The following PTPRD variants were observed in gnomAD, a reference collection of about 807,000 sequenced individuals.
The protein encoded by PTPRD is protein tyrosine phosphatase receptor type D, also known as receptor-type tyrosine-protein phosphatase delta.
A neutral mutation model predicts 214.5 loss-of-function variants in PTPRD; 34 were observed. The ratio of observed to expected loss-of-function variants is 0.16; its 90% CI spans 0.12 to 0.21. The LOEUF is 0.21. Among genes scored for constraint, PTPRD ranks in the 10% least tolerant of loss-of-function variants. The probability of loss-of-function intolerance (pLI) is 1.00; values close to 1 mark genes in which losing one functional copy is unlikely to be tolerated. For missense variants in PTPRD, 2,545 were observed against 2,398.7 expected, an observed-to-expected ratio of 1.06 and a Z score of -1.27; for synonymous variants, 1,128 against 845.7, an observed-to-expected ratio of 1.33 and a Z score of -5.79.
At chr9:9,492,496 G>A (rs1379911105) in intron 8 of PTPRD, among the ~76,000 whole-genome samples, 3 of 151,882 alleles carry the variant, frequency 2.0e-5, no homozygotes, top group Non-Finnish European at 1.5e-5. Flanking sequence ...ATGCCAAAAT[G>A]GTACAACATA....
At chr9:9,383,340 T>C (rs2062890500) in intron 9 of PTPRD, among the ~76,000 whole-genome samples, 1 of 152,068 alleles carries the variant, frequency 6.6e-6, no homozygotes. Context: ...TATTTCTGAG[T>C]ACAAAATAAG....
chr9:9,481,817 T>C (rs371693807), intron 8 of PTPRD, among the ~76,000 whole-genome samples: 158 of 152,274 alleles, frequency 1.0e-3, no homozygotes, highest in African/African-American at 3.2e-3. Flanking sequence ...CTCTGCTCCA[T>C]ACCTGAAACC....
chr9:9,369,905 A>T (rs2058971923), intron 9 of PTPRD, among the ~76,000 whole-genome samples: 1 of 152,124 alleles, frequency 6.6e-6, no homozygotes, highest in Non-Finnish European at 1.5e-5. Context: ...AGGTTTGTCA[A>T]AGATCAGATA....
chr9:10,010,812 C>T (rs2096583027), intron 4 of PTPRD, among the ~76,000 whole-genome samples: 1 of 151,924 alleles, frequency 6.6e-6, no homozygotes, highest in Non-Finnish European at 1.5e-5. Flanking sequence ...ACTAACTTAA[C>T]ACTAATAACA....
At chr9:9,965,806 C>A (rs954043749) in intron 4 of PTPRD, among the ~76,000 whole-genome samples, 1 of 152,148 alleles carries the variant, frequency 6.6e-6, no homozygotes, top group Non-Finnish European at 1.5e-5. Context: ...AACATTAAAA[C>A]TTAGAGCTCT....
At chr9:10,393,389 G>C (rs1362022697) in intron 2 of PTPRD, among the ~76,000 whole-genome samples, 2 of 151,570 alleles carry the variant, frequency 1.3e-5, no homozygotes, top group South Asian at 2.1e-4. Flanking sequence ...ATCATAATGA[G>C]ATTAATACAT....
At chr9:10,124,224 A>G (rs2098798318) in intron 3 of PTPRD, among the ~76,000 whole-genome samples, 1 of 152,190 alleles carries the variant, frequency 6.6e-6, no homozygotes. Context: ...TTAAAACACA[A>G]GTTAGAAGAA....
At chr9:9,140,606 T>C (rs1401862821) in intron 10 of PTPRD, among the ~76,000 whole-genome samples, 2 of 152,082 alleles carry the variant, frequency 1.3e-5, no homozygotes, top group African/African-American at 2.4e-5. Context: ...TGAGACGGAG[T>C]CTCGCTCTGT....
intron 2 of PTPRD, among the ~76,000 whole-genome samples, chr9:10,588,256 G>T (rs944843571): frequency 6.6e-6 from 1 of 152,074 alleles, no homozygotes; most frequent in Non-Finnish European, 1.5e-5. Flanking sequence ...TGACTCCAAG[G>T]TTTGTGGTCT....
chr9:8,856,418 G>C (rs1417144516), intron 11 of PTPRD, among the ~76,000 whole-genome samples: 1 of 152,170 alleles, frequency 6.6e-6, no homozygotes, highest in Non-Finnish European at 1.5e-5. Context: ...GTCCACATTT[G>C]TAGCTCAGTA....
intron 3 of PTPRD, among the ~76,000 whole-genome samples, chr9:10,339,597 C>T (rs181053343): frequency 8.2e-4 from 124 of 151,736 alleles, no homozygotes; most frequent in African/African-American, 2.7e-3. Context: ...GGAATTTATT[C>T]ATTCTACCAA....
At chr9:8,783,135 T>A (rs1181265099) in intron 11 of PTPRD, among the ~76,000 whole-genome samples, 1 of 152,108 alleles carries the variant, frequency 6.6e-6, no homozygotes, top group Non-Finnish European at 1.5e-5. Context: ...CTTGAAAATA[T>A]CATATATGAA....
At chr9:8,995,138 T>G (rs915344384) in intron 11 of PTPRD, among the ~76,000 whole-genome samples, 25 of 152,054 alleles carry the variant, frequency 1.6e-4, no homozygotes, top group Non-Finnish European at 3.5e-4. Flanking sequence ...ACTGGCATTT[T>G]TTTAAAAGGA....
At chr9:9,606,193 C>T (rs977888089) in intron 7 of PTPRD, among the ~76,000 whole-genome samples, 35 of 152,086 alleles carry the variant, frequency 2.3e-4, no homozygotes, top group Non-Finnish European at 1.5e-5. Context: ...TACACTCGGT[C>T]AAACTTACTA....
At chr9:10,019,916 C>T (rs1219381037) in intron 4 of PTPRD, among the ~76,000 whole-genome samples, 1 of 128,516 alleles carries the variant, frequency 7.8e-6, no homozygotes, top group Non-Finnish European at 1.8e-5. Flanking sequence ...TACCCTAGAA[C>T]TTAAAGTATA....
chr9:10,014,115 G>A (rs548700858), intron 4 of PTPRD, among the ~76,000 whole-genome samples: 1 of 152,036 alleles, frequency 6.6e-6, no homozygotes, highest in Non-Finnish European at 1.5e-5. Flanking sequence ...TAAAAGACTA[G>A]AGAGTTGTTT....
chr9:8,725,312 A>G (rs751781184), intron 12 of PTPRD, among the ~76,000 whole-genome samples: 13 of 152,200 alleles, frequency 8.5e-5, no homozygotes, highest in Non-Finnish European at 1.8e-4. Flanking sequence ...TGGCTATGCC[A>G]CTAGAGTTTA....
intron 3 of PTPRD, among the ~76,000 whole-genome samples, chr9:10,115,251 T>G (rs2098721330): frequency 6.6e-6 from 1 of 152,070 alleles, no homozygotes. Context: ...GAATAAGCTT[T>G]CCATATGTTT....
chr9:9,390,174 C>T (rs549222357), intron 9 of PTPRD, among the ~76,000 whole-genome samples: 94 of 152,058 alleles, frequency 6.2e-4, no homozygotes, highest in African/African-American at 2.0e-3. Context: ...GCGGGGAAGC[C>T]GGATTATCTT....
Sources: gnomAD v4.1 joint callset for allele counts (sites outside exome capture counted in the v4.1 genomes callset) on GRCh38, gnomAD v4.1.1 for gene constraint, MANE v1.5 for transcripts, NCBI Gene and HGNC (gene_info 2026-07-23, HGNC 2026-07-21) for gene names.